The following MTRF1 variants were observed in gnomAD, a reference collection of about 807,000 sequenced individuals.
The protein encoded by MTRF1 is mitochondrial translation release factor 1.
MTRF1 carries 51 observed loss-of-function variants against 62.9 expected under a neutral mutation model. The ratio of observed to expected loss-of-function variants is 0.81; its 90% CI spans 0.65 to 1.02. The LOEUF (loss-of-function observed/expected upper bound fraction) is 1.02. MTRF1 is among the 50% of genes least tolerant of loss of function. The probability of loss-of-function intolerance (pLI) is 0.00; values close to 1 mark genes in which losing one functional copy is unlikely to be tolerated. For missense variants in MTRF1, 446 were observed against 530.0 expected, an observed-to-expected ratio of 0.84 and a Z score of 1.56; for synonymous variants, 158 against 181.9, an observed-to-expected ratio of 0.87 and a Z score of 1.06.
chr13:41,273,836 TCAA>T, the MTRF1 span, among the ~76,000 whole-genome samples: 1 of 152,030 alleles, frequency 6.6e-6, no homozygotes, highest in Admixed American at 6.6e-5. Flanking sequence ...AAACTCCGTC[TCAA>T]CAACAACAAA....
At chr13:41,267,276 C>G (rs1465883150), upstream of MTRF1, among the ~76,000 whole-genome samples, 1 of 152,030 alleles carries the variant, frequency 6.6e-6, no homozygotes, top group Non-Finnish European at 1.5e-5. Context: ...CCCTGTATCT[C>G]CTGTAAACTG....
At position 41,249,619 on chromosome 13, in the gene MTRF1, C is replaced by CTTTTTTTTTTTTTTTTTT. The variant is rs1166204914; in HGVS notation, c.697+3008_697+3025dup. Among the ~76,000 whole-genome samples, 8 of 61,530 alleles carry CTTTTTTTTTTTTTTTTTT rather than the reference C, an allele frequency of 1.3e-4. 1 individual carries two copies. Among genetic ancestry groups the CTTTTTTTTTTTTTTTTTT allele is most frequent in the Admixed American group, 2.8e-4 (1 of 3,532 alleles). 40.4% of individuals were successfully genotyped at this position (61,530 alleles called of 152,430 possible). Reference sequence around the variant, plus strand: ...TATTCTTAGTCTTTGATTTTTTTTTCTTTTTTTTTTTTTTTTTTTTTTTTT... The same window carrying CTTTTTTTTTTTTTTTTTT: ...TATTCTTAGTCTTTGATTTTTTTTTCTTTTTTTTTTTTTTTTTTTTTTTTTTTTTTTTTTTTTTTTTTT... On this transcript the variant is annotated intron_variant, in intron 5 of 9. Coordinates refer to ENST00000379480, the MANE Select transcript of MTRF1 (RefSeq NM_004294.4).
chr13:41,219,053 G>C (rs1479723238), intron 9 of MTRF1, among the ~76,000 whole-genome samples: 2 of 148,390 alleles, frequency 1.3e-5, no homozygotes, highest in African/African-American at 4.9e-5. Flanking sequence ...CATTTCGCAA[G>C]GCTGACGCGG....
At chr13:41,219,902 G>A (rs1366532285) in intron 9 of MTRF1, among the ~76,000 whole-genome samples, 1 of 150,198 alleles carries the variant, frequency 6.7e-6, no homozygotes, top group African/African-American at 2.5e-5. Flanking sequence ...AGAGGCTGAG[G>A]CAGGAGAATC....
intron 6 of MTRF1, 97 bp from the exon 7 acceptor site, chr13:41,234,104 A>C: frequency 1.0e-6 from 1 of 964,792 alleles, no homozygotes; most frequent in Non-Finnish European, 1.6e-6. Flanking sequence ...GTTTTAAGAT[A>C]AATTATAGCC....
chr13:41,273,793 C>T, the MTRF1 span, among the ~76,000 whole-genome samples: 7 of 152,092 alleles, frequency 4.6e-5, no homozygotes, highest in Non-Finnish European at 8.8e-5. Context: ...GCCAAGATCG[C>T]ACCATTGCAC....
chr13:41,309,383 T>TGTGTGTGTGTGTGTGTGTGTG, the MTRF1 span, among the ~76,000 whole-genome samples: 7 of 144,810 alleles, frequency 4.8e-5, no homozygotes, highest in Non-Finnish European at 1.1e-4. Context: ...TGTGTGTGTG[T>TGTGTGTGTGTGTGTGTGTGTG]TTGCCATGTT....
the MTRF1 span, among the ~76,000 whole-genome samples, chr13:41,273,243 A>C: frequency 3.4e-4 from 51 of 151,412 alleles, 1 homozygote; most frequent in South Asian, 8.5e-3. Flanking sequence ...GGAGAATGGC[A>C]TGAACCCGGG....
upstream of MTRF1, among the ~76,000 whole-genome samples, chr13:41,263,923 CT>C: frequency 6.6e-6 from 1 of 152,298 alleles, no homozygotes; most frequent in South Asian, 2.1e-4. Context: ...CCTCCACTCA[CT>C]ATCCAGCCAA....
At chr13:41,290,963 G>A in the MTRF1 span, among the ~76,000 whole-genome samples, 2 of 151,274 alleles carry the variant, frequency 1.3e-5, no homozygotes, top group Admixed American at 1.3e-4. Flanking sequence ...AGGCGTGATG[G>A]TGCATGCCTG....
At chr13:41,303,930 T>C in the MTRF1 span, among the ~76,000 whole-genome samples, 8 of 152,212 alleles carry the variant, frequency 5.3e-5, no homozygotes, top group African/African-American at 1.9e-4. Context: ...TATATATAAA[T>C]AAGCATTGTA....
intron 8 of MTRF1, among the ~76,000 whole-genome samples, chr13:41,225,184 C>G (rs1038188392): frequency 6.8e-6 from 1 of 146,194 alleles, no homozygotes; most frequent in Non-Finnish European, 1.5e-5. Context: ...TGCACTCTAG[C>G]CTGGGTGACA....
rs1239447368 is a variant in MTRF1, at chr13:41,217,196, C to T, written c.1257G>A (p.Gln419=). 7 of 1,609,164 alleles carry T rather than the reference C, an allele frequency of 4.4e-6. No homozygotes were observed. Among genetic ancestry groups the T allele is most frequent in the Non-Finnish European group, 5.9e-6 (7 of 1,177,250 alleles). Residue 419 remains glutamine (Q), a synonymous_variant, in exon 10 of 10, where the codon CAG becomes CAA. Coordinates refer to ENST00000379480, the MANE Select transcript of MTRF1 (RefSeq NM_004294.4). ...CTGATTGAAGCAGTCTCTGAATTAGCTGATCCAGGCCCTTCCCACCACATA... is the reference window on the plus strand; with the variant it reads ...CTGATTGAAGCAGTCTCTGAATTAGTTGATCCAGGCCCTTCCCACCACATA... ...EFLCGGKGLD[Q]LIQRLLQSAD... is the part of the protein sequence containing the mutation.
intron 5 of MTRF1, among the ~76,000 whole-genome samples, chr13:41,248,166 C>T (rs4942030): frequency 0.52 from 79,433 of 151,914 alleles, 21,616 homozygotes; most frequent in South Asian, 0.62. Flanking sequence ...GAAATTGGCT[C>T]AAGTCTGGAA....
chr13:41,263,351 T>C (rs2040688580), intron 1 of MTRF1, 134 bp downstream of exon 1: 1 of 1,275,102 alleles, frequency 7.8e-7, no homozygotes, highest in South Asian at 1.2e-5. Context: ...GTTCTGAGTG[T>C]AGGCAGGTCA....
At chr13:41,262,791 C>G (rs2139227575) in intron 1 of MTRF1, among the ~76,000 whole-genome samples, 2 of 152,130 alleles carry the variant, frequency 1.3e-5, no homozygotes, top group South Asian at 4.1e-4. Context: ...TGAGACTCAA[C>G]TCAAAAAAAG....
chr13:41,217,073 T>C lies in MTRF1; in HGVS notation c.*42A>G. 8.6e-7 allele frequency: 1 copy of C among 1,160,880 alleles called. No individual in the cohort carries two copies. Among genetic ancestry groups the C allele is most frequent in the Non-Finnish European group, 1.3e-6 (1 of 798,910 alleles). 71.9% of individuals were successfully genotyped at this position (1,160,880 alleles called of 1,614,324 possible). On this transcript the variant is annotated 3_prime_UTR_variant, in exon 10 of 10. Transcript: ENST00000379480. Reference sequence around the variant, plus strand: ...GCTTCAGTCTGCCTCTTGATATAGGTCCATTTCATTTATATAATCATAAAT... The same window carrying C: ...GCTTCAGTCTGCCTCTTGATATAGGCCCATTTCATTTATATAATCATAAAT...
At chr13:41,308,110 G>A in the MTRF1 span, among the ~76,000 whole-genome samples, 1 of 152,042 alleles carries the variant, frequency 6.6e-6, no homozygotes, top group South Asian at 2.1e-4. Context: ...CTGATTTAGG[G>A]GTTGGGGAGA....
At chr13:41,279,535 T>C in the MTRF1 span, among the ~76,000 whole-genome samples, 4 of 152,174 alleles carry the variant, frequency 2.6e-5, no homozygotes. Context: ...GCTCTGATTT[T>C]TTATCTTGCC....
Sources: gnomAD v4.1 joint callset for allele counts (sites outside exome capture counted in the v4.1 genomes callset) on GRCh38, gnomAD v4.1.1 for gene constraint, MANE v1.5 for transcripts, NCBI Gene and HGNC (gene_info 2026-07-23, HGNC 2026-07-21) for gene names.